The following SPOCK2 variants were observed in gnomAD, a reference collection of about 807,000 sequenced individuals.
SPOCK2 encodes the protein SPARC (osteonectin), cwcv and kazal like domains proteoglycan 2, also known as testican-2.
In SPOCK2, 39 loss-of-function variants were observed where a neutral mutation model predicts 60.1. The ratio of observed to expected loss-of-function variants is 0.65; its 90% CI spans 0.50 to 0.85. The LOEUF (loss-of-function observed/expected upper bound fraction) is 0.85. SPOCK2 is among the 40% of genes least tolerant of loss of function. SPOCK2 has a pLI of 0.00. For missense variants in SPOCK2, 523 were observed against 567.4 expected, an observed-to-expected ratio of 0.92 and a Z score of 0.80; for synonymous variants, 217 against 231.5, an observed-to-expected ratio of 0.94 and a Z score of 0.57.
chr10:72,086,474 A>C, intron 1 of SPOCK2: 2 of 1,067,510 alleles, frequency 1.9e-6, no homozygotes, highest in Non-Finnish European at 2.3e-6. Context: ...ATTTTGGCAG[A>C]TCAAACAGCC....
At chr10:72,083,655 T>G (rs1272074278) in intron 1 of SPOCK2, among the ~76,000 whole-genome samples, 1 of 152,228 alleles carries the variant, frequency 6.6e-6, no homozygotes, top group African/African-American at 2.4e-5. Context: ...CTTCCCAGGC[T>G]TGGAGTCTCG....
chr10:72,086,044 G>A (rs1332522040), intron 1 of SPOCK2, among the ~76,000 whole-genome samples: 2 of 152,210 alleles, frequency 1.3e-5, no homozygotes, highest in Non-Finnish European at 2.9e-5. Flanking sequence ...GATCCCCAGG[G>A]CCAGGCCCTC....
chr10:72,072,655 A>G, intron 2 of SPOCK2, 107 bp from the exon 3 acceptor site: 5 of 1,524,986 alleles, frequency 3.3e-6, no homozygotes, highest in Non-Finnish European at 4.5e-6. Flanking sequence ...TCATGTGCCA[A>G]TGGCCGTCAT....
chr10:72,065,679 A>G (rs1840558666), intron 8 of SPOCK2, among the ~76,000 whole-genome samples: 1 of 152,222 alleles, frequency 6.6e-6, no homozygotes, highest in Non-Finnish European at 1.5e-5. Flanking sequence ...CCTGCCCAAG[A>G]AAGTACAGAA....
chr10:72,087,516 G>A lies in SPOCK2; in HGVS notation c.189+624C>T, dbSNP rs1179471457. On this transcript the variant is annotated intron_variant, in intron 1 of 10. Transcript: ENST00000373109. The surrounding 1 kb of genome is among the most constrained non-coding windows in gnomAD (Gnocchi z 4.7). ...TGGGTCCTCGCGCGCCCTTCTGCAC[G>A]GGGACCCCAGCCCACCCCCGTACGG... Among the ~76,000 whole-genome samples the A allele has an allele frequency of 1.3e-5, 2 of 152,146 alleles. No individual in the cohort carries two copies. Among genetic ancestry groups the A allele is most frequent in the Non-Finnish European group, 2.9e-5 (2 of 68,008 alleles).
At chr10:72,069,686 G>C (rs908785641) in intron 5 of SPOCK2, among the ~76,000 whole-genome samples, 1 of 151,984 alleles carries the variant, frequency 6.6e-6, no homozygotes, top group Non-Finnish European at 1.5e-5. Flanking sequence ...TCAAACTCCC[G>C]GATTCAAGCA....
At position 72,062,926 on chromosome 10, in the gene SPOCK2, C is replaced by A; in HGVS notation, c.1130-21G>T. 1 of 1,596,080 alleles carries A rather than the reference C, an allele frequency of 6.3e-7. No individual in the cohort carries two copies. The highest frequency in any genetic ancestry group is 8.5e-7 in the Non-Finnish European group (1 of 1,174,022). ...GTCATCTGTGAGGGGATCAAGCCAACAGGGGGTGAGGGAGCTTCTGGCACG... is the reference window on the plus strand; with the variant it reads ...GTCATCTGTGAGGGGATCAAGCCAAAAGGGGGTGAGGGAGCTTCTGGCACG... On this transcript the variant is annotated intron_variant, in intron 10 of 10. Transcript: ENST00000373109. The surrounding 1 kb of genome is among the most constrained non-coding windows in gnomAD (Gnocchi z 4.3).
intron 1 of SPOCK2, among the ~76,000 whole-genome samples, chr10:72,073,883 A>G (rs1410004284): frequency 1.3e-5 from 2 of 152,184 alleles, no homozygotes; most frequent in African/African-American, 2.4e-5. Context: ...AACACCTAAC[A>G]GTCCCAGGGC....
At position 72,070,417 on chromosome 10, in the gene SPOCK2, C is replaced by A; in HGVS notation, c.369G>T (p.Gln123His). 1.2e-6 allele frequency: 2 copies of A among 1,614,116 alleles called. No individual in the cohort carries two copies. The highest frequency in any genetic ancestry group is 1.7e-6 in the Non-Finnish European group (2 of 1,179,978). ...TGTTTCCATGGAGTTTCACGGTCGG[C>A]TGCTTGATCCTACAGGAGAGGGTGG... ...SRKKLEHRIK[Q>H]PTVKLHGNKD... The change falls in exon 5 of 11, where the codon CAG (glutamine) becomes CAT (histidine). Residue 123 changes from glutamine (Q) to histidine (H), a missense_variant. By Grantham distance (24) the Gln-to-His change is conservative. Coordinates refer to ENST00000373109, the MANE Select transcript of SPOCK2 (RefSeq NM_001244950.2).
At chr10:72,063,436 G>C (rs1840525116) in intron 9 of SPOCK2, among the ~76,000 whole-genome samples, 2 of 152,178 alleles carry the variant, frequency 1.3e-5, no homozygotes, top group Admixed American at 1.3e-4. Context: ...CAGTTTCCCT[G>C]ACTCCATGGC....
rs765256689 is a variant in SPOCK2, at chr10:72,072,481, C to CCCG, written c.244+19_244+21dup. ...TCTTCACACGTGTCAGTCACCTTCC[C>CCCG]CCGCCGGGAGAGTCATGTTACCTTC... On this transcript the variant is annotated intron_variant, in intron 3 of 10. Coordinates refer to ENST00000373109, the MANE Select transcript of SPOCK2 (RefSeq NM_001244950.2). 5 of 1,613,718 alleles carry CCCG rather than the reference C, an allele frequency of 3.1e-6. No individual in the cohort carries two copies. The African/African-American group carries it at 6.7e-5, about 22-fold the overall frequency.
At chr10:72,080,212 C>T (rs1840764790) in intron 1 of SPOCK2, among the ~76,000 whole-genome samples, 2 of 152,326 alleles carry the variant, frequency 1.3e-5, no homozygotes, top group South Asian at 4.1e-4. Flanking sequence ...AGAAGACAGT[C>T]ATCATAAGAC....
At chr10:72,072,602 G>A (rs1168129033) in intron 2 of SPOCK2, 54 bp from the exon 3 acceptor site, 11 of 1,611,394 alleles carry the variant, frequency 6.8e-6, no homozygotes, top group Non-Finnish European at 8.5e-6. Flanking sequence ...CCATATCCCA[G>A]AGGTTCAACT....
intron 1 of SPOCK2, among the ~76,000 whole-genome samples, chr10:72,079,050 T>C (rs559247694): frequency 1.3e-5 from 2 of 152,358 alleles, no homozygotes; most frequent in East Asian, 3.9e-4. Context: ...ATTCATTGGC[T>C]TGTTTCCTCT....
chr10:72,081,525 T>A (rs1393506212), intron 1 of SPOCK2, among the ~76,000 whole-genome samples: 2 of 152,166 alleles, frequency 1.3e-5, no homozygotes, highest in African/African-American at 4.8e-5. Context: ...ACCATCCACA[T>A]GTCTGACAGG....
chr10:72,071,806 G>A (rs1840650027), intron 4 of SPOCK2, among the ~76,000 whole-genome samples: 1 of 151,934 alleles, frequency 6.6e-6, no homozygotes, highest in Admixed American at 6.6e-5. Context: ...CCCTATGGAG[G>A]GGTCCACATG....
intron 1 of SPOCK2, 46 bp from the exon 2 acceptor site, chr10:72,072,956 A>G (rs375139741): frequency 1.9e-6 from 3 of 1,552,380 alleles, no homozygotes; most frequent in South Asian, 1.2e-5. Context: ...CGGAGCAGGA[A>G]GAGAAAGGGA....
At chr10:72,083,220 C>T (rs1003921228) in intron 1 of SPOCK2, among the ~76,000 whole-genome samples, 1 of 152,226 alleles carries the variant, frequency 6.6e-6, no homozygotes, top group Non-Finnish European at 1.5e-5. Context: ...AAGAGAATCT[C>T]TTCCTTAAAC....
chr10:72,070,237 G>T, intron 5 of SPOCK2, 75 bp downstream of exon 5: 1 of 1,472,136 alleles, frequency 6.8e-7, no homozygotes. Flanking sequence ...GGAGGCCCCA[G>T]CTGGGTCATC....
Sources: gnomAD v4.1 joint callset for allele counts (sites outside exome capture counted in the v4.1 genomes callset) on GRCh38, gnomAD v4.1.1 for gene constraint, Gnocchi (gnomAD v3.1) non-coding constraint, MANE v1.5 for transcripts, NCBI Gene and HGNC (gene_info 2026-07-23, HGNC 2026-07-21) for gene names.